Variants in KLHL1 observed in about 807,000 individuals in gnomAD.
The protein encoded by KLHL1 is kelch-like protein 1.
In KLHL1, 47 loss-of-function variants were observed where a neutral mutation model predicts 77.7. That is an observed-to-expected ratio of 0.60 (90% CI 0.48 to 0.77). The LOEUF (loss-of-function observed/expected upper bound fraction) is 0.77, where lower values mean the gene tolerates loss of function less well. Among genes scored for constraint, KLHL1 ranks in the 30% least tolerant of loss-of-function variants. The probability of loss-of-function intolerance (pLI) is 0.00; values close to 1 mark genes in which losing one functional copy is unlikely to be tolerated. For synonymous variants in KLHL1, 360 were observed against 325.2 expected (o/e 1.11, Z -1.15); for missense variants, 925 against 910.8 (o/e 1.02, Z -0.20).
intron 1 of KLHL1, among the ~76,000 whole-genome samples, chr13:70,019,881 G>C (rs1447031636): frequency 6.6e-6 from 1 of 152,106 alleles, no homozygotes; most frequent in Non-Finnish European, 1.5e-5. Flanking sequence ...GAGGTGTTTA[G>C]GTCATGAAGG....
At chr13:70,003,676 G>C (rs984180480) in intron 1 of KLHL1, among the ~76,000 whole-genome samples, 3 of 151,618 alleles carry the variant, frequency 2.0e-5, no homozygotes, top group Non-Finnish European at 4.4e-5. Flanking sequence ...TATTTTTCAG[G>C]GAAGAGGGTG....
chr13:70,036,835 C>CTTTTTTTTTTTTTTTTTTTTTTTTG (rs5804467), intron 1 of KLHL1, among the ~76,000 whole-genome samples: 1 of 50,682 alleles, frequency 2.0e-5, no homozygotes, highest in African/African-American at 7.4e-5. Context: ...ATGCCATGGT[C>CTTTTTTTTTTTTTTTTTTTTTTTTG]TTTTTTTTTT....
At chr13:69,850,663 T>C (rs1002333074) in intron 5 of KLHL1, among the ~76,000 whole-genome samples, 1 of 151,726 alleles carries the variant, frequency 6.6e-6, no homozygotes, top group African/African-American at 2.4e-5. Flanking sequence ...CCAGCTATCA[T>C]ATACAGAATT....
chr13:69,928,507 A>G (rs1882888947), intron 4 of KLHL1, among the ~76,000 whole-genome samples: 2 of 152,218 alleles, frequency 1.3e-5, no homozygotes, highest in Non-Finnish European at 2.9e-5. Flanking sequence ...AAGGGGCCCA[A>G]AGTGTAAACA....
chr13:69,742,744 T>G (rs1275988580), intron 7 of KLHL1, among the ~76,000 whole-genome samples: 1 of 152,202 alleles, frequency 6.6e-6, no homozygotes. Flanking sequence ...GGATGTTATT[T>G]TACACAACTC....
intron 1 of KLHL1, among the ~76,000 whole-genome samples, chr13:70,026,215 A>G (rs1198513227): frequency 6.6e-6 from 1 of 152,162 alleles, no homozygotes; most frequent in East Asian, 1.9e-4. Flanking sequence ...TAAAACAATC[A>G]CAAATCACTA....
chr13:69,816,670 C>G (rs781151580), intron 6 of KLHL1, among the ~76,000 whole-genome samples: 1 of 152,070 alleles, frequency 6.6e-6, no homozygotes, highest in African/African-American at 2.4e-5. Flanking sequence ...GCTTTTGTTG[C>G]TGGTAATGAT....
At chr13:69,904,518 C>T (rs1881984814) in intron 4 of KLHL1, among the ~76,000 whole-genome samples, 1 of 152,134 alleles carries the variant, frequency 6.6e-6, no homozygotes, top group East Asian at 1.9e-4. Flanking sequence ...CTTTATGCAT[C>T]TTATTCCCAT....
rs144385518 is a variant in KLHL1, at chr13:69,730,698, G to A, written c.1802+9696C>T. Among the ~76,000 whole-genome samples the A allele has an allele frequency of 2.6e-3, 395 of 151,874 alleles. 3 individuals are homozygous for A. The highest frequency in any genetic ancestry group is 8.9e-3 in the African/African-American group (370 of 41,432). ...GTAATCCTCTCACCTCAGCCCCTCAGCCTCTTAAGTAGCTTTAACTACAGG... is the reference window on the plus strand; with the variant it reads ...GTAATCCTCTCACCTCAGCCCCTCAACCTCTTAAGTAGCTTTAACTACAGG... On this transcript the variant is annotated intron_variant, in intron 8 of 10. Coordinates refer to ENST00000377844, the MANE Select transcript of KLHL1 (RefSeq NM_020866.3).
intron 1 of KLHL1, among the ~76,000 whole-genome samples, chr13:70,041,335 C>T (rs987151991): frequency 3.3e-5 from 5 of 152,132 alleles, no homozygotes; most frequent in African/African-American, 1.2e-4. Flanking sequence ...TATAAATTTT[C>T]TATTACAATA....
intron 8 of KLHL1, among the ~76,000 whole-genome samples, chr13:69,723,267 G>A (rs182398760): frequency 1.2e-4 from 19 of 152,202 alleles, no homozygotes; most frequent in African/African-American, 4.1e-4. Flanking sequence ...GCACATTAGA[G>A]TGACTACGAC....
chr13:69,920,193 G>T (rs1882587402), intron 4 of KLHL1, among the ~76,000 whole-genome samples: 1 of 151,888 alleles, frequency 6.6e-6, no homozygotes, highest in Non-Finnish European at 1.5e-5. Context: ...AAGAGTTCTG[G>T]AAACAGCTTA....
intron 1 of KLHL1, among the ~76,000 whole-genome samples, chr13:70,068,608 T>C (rs1051253917): frequency 5.3e-5 from 8 of 152,228 alleles, no homozygotes; most frequent in African/African-American, 1.9e-4. Context: ...CTACAGTGTG[T>C]AAAAATGTGC....
At chr13:70,073,182 G>A (rs986267023) in intron 1 of KLHL1, among the ~76,000 whole-genome samples, 9 of 152,104 alleles carry the variant, frequency 5.9e-5, no homozygotes, top group African/African-American at 2.2e-4. Flanking sequence ...TGATAGACTG[G>A]ATTAAGAAAA....
At chr13:69,942,290 G>A (rs1251225147) in intron 3 of KLHL1, among the ~76,000 whole-genome samples, 1 of 151,912 alleles carries the variant, frequency 6.6e-6, no homozygotes. Context: ...GAGCTTGGAA[G>A]GCAGGTTGCA....
chr13:69,883,831 TAG>T (rs1186955893), intron 4 of KLHL1, among the ~76,000 whole-genome samples: 1 of 152,204 alleles, frequency 6.6e-6, no homozygotes, highest in Non-Finnish European at 1.5e-5. Context: ...GATACATGTT[TAG>T]AGAAGACAGA....
At chr13:69,748,769 T>A (rs974194823) in intron 7 of KLHL1, among the ~76,000 whole-genome samples, 1 of 145,084 alleles carries the variant, frequency 6.9e-6, no homozygotes, top group South Asian at 2.2e-4. Context: ...GTTAAATAAA[T>A]CAAATGGTCA....
chr13:69,851,147 T>A (rs1480615272), intron 5 of KLHL1, among the ~76,000 whole-genome samples: 1 of 38,272 alleles, frequency 2.6e-5, no homozygotes, highest in Non-Finnish European at 6.3e-5. Flanking sequence ...GTCTCTTTTT[T>A]AAGTACTGTG....
intron 5 of KLHL1, among the ~76,000 whole-genome samples, chr13:69,854,848 G>A (rs1045225147): frequency 2.6e-5 from 4 of 151,894 alleles, no homozygotes; most frequent in Admixed American, 6.6e-5. Flanking sequence ...GGTATAGAAC[G>A]AGAATTCCAA....
Sources: allele counts gnomAD v4.1 joint callset (sites outside exome capture counted in the v4.1 genomes callset), GRCh38; gene constraint gnomAD v4.1.1; transcripts MANE v1.5; gene names NCBI Gene and HGNC (gene_info 2026-07-23, HGNC 2026-07-21).